Variants in PARP15 observed in about 807,000 individuals in gnomAD.
The protein encoded by PARP15 is protein mono-ADP-ribosyltransferase PARP15.
In PARP15, 50 loss-of-function variants were observed where a neutral mutation model predicts 62.1. The observed-to-expected ratio is 0.81, with a 90% CI of 0.64 to 1.02. The LOEUF is 1.02. Ranked by LOEUF, PARP15 falls within the 50% of genes least tolerant of loss-of-function variation. The pLI, the probability that PARP15 is intolerant of heterozygous loss-of-function variation, is 0.00. For missense variants in PARP15, 820 were observed against 826.5 expected (o/e 0.99, Z 0.10); for synonymous variants, 309 against 293.1 (o/e 1.05, Z -0.55).
At chr3:122,628,681 G>A (rs57157384) in intron 9 of PARP15, among the ~76,000 whole-genome samples, 1,655 of 152,274 alleles carry the variant, frequency 0.011, 45 homozygotes, top group African/African-American at 0.038. Context: ...AAAATGAGCA[G>A]ACAACTGACC....
chr3:122,612,965 T>A lies in PARP15; in HGVS notation c.544-76T>A. ...AATAGCAGAGAGGTCCTTGTCAGAG[T>A]TGCTGGGACCACAACTCTTTCTGTT... On this transcript the variant is annotated intron_variant, in intron 3 of 11. Transcript: ENST00000464300. The A allele has an allele frequency of 2.3e-6, 3 of 1,302,096 alleles. 1 individual carries two copies. In the South Asian group the frequency reaches 3.9e-5, roughly 17 times the overall value. 80.7% of individuals were successfully genotyped at this position (1,302,096 alleles called of 1,614,324 possible). A position where few individuals can be genotyped will look rare whatever the true frequency, so the allele number is the denominator to read the frequency against.
At chr3:122,607,737 T>C (rs1935252234) in intron 2 of PARP15, among the ~76,000 whole-genome samples, 1 of 152,214 alleles carries the variant, frequency 6.6e-6, no homozygotes, top group African/African-American at 2.4e-5. Context: ...TTCTTACCAT[T>C]GGATGGTGCT....
intron 8 of PARP15, among the ~76,000 whole-genome samples, chr3:122,625,598 G>A (rs1175877174): frequency 6.6e-6 from 1 of 152,142 alleles, no homozygotes; most frequent in Non-Finnish European, 1.5e-5. Context: ...GGCCATTAAG[G>A]TGGGCCCCAA....
At position 122,632,228 on chromosome 3, in the gene PARP15, G is replaced by A. The variant is rs1207957619; in HGVS notation, c.1572+9G>A. 6.2e-7 allele frequency: 1 copy of A among 1,608,178 alleles called. No individual in the cohort carries two copies. The highest frequency in any genetic ancestry group is 2.2e-5 in the East Asian group (1 of 44,826). ...CCTACGCAATAGAGAAGGTAATACTGTGTTAAAATTTACTGTTCAAAAATG... is the reference window on the plus strand; with the variant it reads ...CCTACGCAATAGAGAAGGTAATACTATGTTAAAATTTACTGTTCAAAAATG... On this transcript the variant is annotated intron_variant, in intron 10 of 11. Coordinates refer to ENST00000464300, the MANE Select transcript of PARP15 (RefSeq NM_001113523.3).
chr3:122,593,177 C>T (rs191781612), intron 1 of PARP15, among the ~76,000 whole-genome samples: 2 of 141,696 alleles, frequency 1.4e-5, no homozygotes, highest in East Asian at 4.2e-4. Context: ...CTCCCTCTGT[C>T]GTCCAGGCTG....
chr3:122,600,197 A>G (rs968279466), intron 1 of PARP15, among the ~76,000 whole-genome samples: 5 of 152,136 alleles, frequency 3.3e-5, no homozygotes, highest in African/African-American at 7.2e-5. Context: ...AAATAAAACT[A>G]TTTTTACTAG....
chr3:122,617,548 A>G (rs1223198606), intron 6 of PARP15, among the ~76,000 whole-genome samples: 6 of 152,144 alleles, frequency 3.9e-5, no homozygotes, highest in Admixed American at 6.5e-5. Flanking sequence ...TATGTAACCT[A>G]CTTGGCATTT....
chr3:122,589,516 C>T (rs931321807), intron 1 of PARP15, among the ~76,000 whole-genome samples: 3 of 152,170 alleles, frequency 2.0e-5, no homozygotes, highest in Non-Finnish European at 2.9e-5. Context: ...TTTCCTAAAT[C>T]GTTGCCTTAT....
In PARP15 at chr3:122,619,378, G is replaced by C. The variant is rs149458192; in HGVS notation, c.1001-403G>C. Among the ~76,000 whole-genome samples, 162 of 152,284 alleles carry C rather than the reference G, an allele frequency of 1.1e-3. 1 individual carries two copies. The highest frequency in any genetic ancestry group is 3.6e-3 in the African/African-American group (149 of 41,554). ...ACCAGCTGTTTAACTGAGCAGGGCAGGGAATCAAAGAACTTAGTAAAGTGC... is the reference window on the plus strand; with the variant it reads ...ACCAGCTGTTTAACTGAGCAGGGCACGGAATCAAAGAACTTAGTAAAGTGC... On this transcript the variant is annotated intron_variant, in intron 6 of 11. Coordinates refer to ENST00000464300, the MANE Select transcript of PARP15 (RefSeq NM_001113523.3).
chr3:122,635,490 C>G (rs1010584335), intron 11 of PARP15, among the ~76,000 whole-genome samples: 3 of 151,858 alleles, frequency 2.0e-5, no homozygotes, highest in Admixed American at 6.6e-5. Flanking sequence ...CTCACTGCAG[C>G]CTTGATCTCT....
At chr3:122,614,547 C>T (rs1285824043) in intron 4 of PARP15, among the ~76,000 whole-genome samples, 1 of 151,976 alleles carries the variant, frequency 6.6e-6, no homozygotes, top group Non-Finnish European at 1.5e-5. Flanking sequence ...TTTTTTTCCC[C>T]CGGTAAATAT....
chr3:122,621,649 T>C, intron 8 of PARP15, 38 bp downstream of exon 8: 6 of 1,527,762 alleles, frequency 3.9e-6, no homozygotes, highest in Middle Eastern at 1.8e-4. Flanking sequence ...ATTTGAGTGA[T>C]ACAAATTCCT....
At chr3:122,622,730 A>G (rs1936429144) in intron 8 of PARP15, among the ~76,000 whole-genome samples, 1 of 152,130 alleles carries the variant, frequency 6.6e-6, no homozygotes, top group Non-Finnish European at 1.5e-5. Context: ...CATCTCTGTC[A>G]TATCATCCAG....
intron 9 of PARP15, among the ~76,000 whole-genome samples, chr3:122,629,577 C>T (rs12638222): frequency 0.048 from 7,276 of 152,210 alleles, 403 homozygotes; most frequent in East Asian, 0.31. Flanking sequence ...AAATTTTCCA[C>T]GGACTGGGTT....
chr3:122,577,996 C>T (rs1342846105), intron 1 of PARP15, 143 bp downstream of exon 1: 3 of 791,232 alleles, frequency 3.8e-6, no homozygotes, highest in African/African-American at 1.8e-5. Context: ...CACTGACTTC[C>T]CTGTTCCGGA....
chr3:122,595,270 A>G (rs1305117307), intron 1 of PARP15, among the ~76,000 whole-genome samples: 1 of 151,906 alleles, frequency 6.6e-6, no homozygotes, highest in African/African-American at 2.4e-5. Context: ...AAATTTCTTG[A>G]TCGAAATTTG....
chr3:122,617,826 T>A (rs1936085979), intron 6 of PARP15, among the ~76,000 whole-genome samples: 1 of 152,224 alleles, frequency 6.6e-6, no homozygotes, highest in African/African-American at 2.4e-5. Flanking sequence ...CCTCCCGGGT[T>A]CAAGTGATTC....
In PARP15 at chr3:122,635,857, T is replaced by C; in HGVS notation, c.1794T>C (p.Tyr598=). The C allele has an allele frequency of 6.2e-7, 1 of 1,614,112 alleles. No homozygotes were observed. Among genetic ancestry groups the C allele is most frequent in the Non-Finnish European group, 8.5e-7 (1 of 1,179,970 alleles). ...KGTYFAVDAS[Y]SAKDTYSKPD... is the part of the protein sequence containing the mutation. The stretch of plus-strand genomic sequence containing the variant: ...CCTATTTTGCTGTGGATGCCAGTTA[T>C]TCTGCCAAGGACACCTACTCCAAGC... Residue 598 remains tyrosine (Y), a synonymous_variant, in exon 12 of 12, where the codon TAT becomes TAC. Coordinates refer to ENST00000464300, the MANE Select transcript of PARP15 (RefSeq NM_001113523.3).
At chr3:122,634,382 A>G (rs2107609696) in intron 10 of PARP15, among the ~76,000 whole-genome samples, 1 of 152,346 alleles carries the variant, frequency 6.6e-6, no homozygotes, top group Non-Finnish European at 1.5e-5. Context: ...AGAGATGTTC[A>G]GTAGGTGATG....
Sources: gnomAD v4.1 joint callset for allele counts (sites outside exome capture counted in the v4.1 genomes callset) on GRCh38, gnomAD v4.1.1 for gene constraint, MANE v1.5 for transcripts, NCBI Gene and HGNC (gene_info 2026-07-23, HGNC 2026-07-21) for gene names.